BCAT2: variants seen among roughly 807,000 people sequenced by gnomAD.
BCAT2 encodes the protein branched chain amino acid transaminase 2.
Under a neutral mutation model 52.9 loss-of-function variants are expected in BCAT2, and 44 were observed. The ratio of observed to expected loss-of-function variants is 0.83; its 90% CI spans 0.65 to 1.07. BCAT2 has a LOEUF of 1.07. Ranked by LOEUF, BCAT2 falls within the 50% of genes least tolerant of loss-of-function variation. The pLI, the probability that BCAT2 is intolerant of heterozygous loss-of-function variation, is 0.00. For missense variants in BCAT2, 478 were observed against 521.8 expected (o/e 0.92, Z 0.82); for synonymous variants, 215 against 217.1 (o/e 0.99, Z 0.08).
At chr19:48,797,479 A>G (rs2034553447) in intron 6 of BCAT2, 146 bp from the exon 7 acceptor site, 3 of 1,002,294 alleles carry the variant, frequency 3.0e-6, no homozygotes, top group Middle Eastern at 6.4e-4. Flanking sequence ...GGAATCCTTG[A>G]CTTTTCATTT....
chr19:48,805,747 G>A (rs1385385784), intron 3 of BCAT2, among the ~76,000 whole-genome samples: 6 of 61,720 alleles, frequency 9.7e-5, no homozygotes, highest in African/African-American at 3.3e-4. Flanking sequence ...TCCCTCCCCC[G>A]GCTGTCCCTC....
At chr19:48,802,441 CTTTTTTTT>C (rs35775607) in intron 3 of BCAT2, among the ~76,000 whole-genome samples, 1 of 87,024 alleles carries the variant, frequency 1.1e-5, no homozygotes, top group Non-Finnish European at 2.1e-5. Context: ...TACTGGATTC[CTTTTTTTT>C]TTTTTTTTTT....
chr19:48,798,339 T>C (rs1165506395), intron 6 of BCAT2, among the ~76,000 whole-genome samples: 1 of 152,108 alleles, frequency 6.6e-6, no homozygotes, highest in African/African-American at 2.4e-5. Context: ...AGAGATAGCC[T>C]CTCCCCTCAG....
At position 48,807,699 on chromosome 19, in the gene BCAT2, C is replaced by A; in HGVS notation, c.25-625G>T. The A allele has an allele frequency of 1.0e-6, 1 of 986,346 alleles. No individual in the cohort carries two copies. Among genetic ancestry groups the A allele is most frequent in the Non-Finnish European group, 1.2e-6 (1 of 829,560 alleles). The allele number at this position is 986,346 out of a possible 1,614,324, so 61.1% of individuals were successfully genotyped here. A position where few individuals can be genotyped will look rare whatever the true frequency, so the allele number is the denominator to read the frequency against. ...GTTCCCCAGCCCCTCCTCCGCCAGA[C>A]CCAGGAGTACAGGTGCTTATTCTCT... is the stretch of plus-strand genomic sequence containing the variant. On this transcript the variant is annotated intron_variant, in intron 1 of 10. Coordinates refer to ENST00000316273, the MANE Select transcript of BCAT2 (RefSeq NM_001190.4). The surrounding 1 kb of genome is among the most constrained non-coding windows in gnomAD (Gnocchi z 4.6).
chr19:48,801,403 T>G (rs4802507), intron 3 of BCAT2, among the ~76,000 whole-genome samples: 21,634 of 151,950 alleles, frequency 0.14, 2,056 homozygotes, highest in Non-Finnish European at 0.21. Context: ...AGTAAAACAT[T>G]ATAAATCTAC....
rs1205506326 is a variant in BCAT2, at chr19:48,796,493, TG to T, written c.1074del (p.His358GlnfsTer11). On this transcript the variant is annotated frameshift_variant, in exon 10 of 11. Coordinates refer to ENST00000316273, the MANE Select transcript of BCAT2 (RefSeq NM_001190.4). LOFTEE classifies it high-confidence loss of function. ...TCAGGCCCATTTTCCATGGTGGGAATGTGGAGGTTCTGGGACAGAAGGTGCG... is the reference window on the plus strand; with the variant it reads ...TCAGGCCCATTTTCCATGGTGGGAATTGGAGGTTCTGGGACAGAAGGTGCG... ...HRILYKDRNL[H>X]IPTMENGPEL... The T allele has an allele frequency of 6.2e-7, 1 of 1,613,458 alleles. No individual in the cohort carries two copies. The highest frequency in any genetic ancestry group is 2.2e-5 in the East Asian group (1 of 44,890).
In BCAT2 at chr19:48,796,445, C is replaced by A; in HGVS notation, c.1123G>T (p.Glu375Ter). Residue 375 changes from glutamate (E) to a stop codon, truncating the protein, a stop_gained, in exon 10 of 11, where the codon GAG becomes TAG. Transcript: ENST00000316273. LOFTEE classifies it high-confidence loss of function. The stretch of plus-strand genomic sequence containing the variant: ...CAGCTCACCTGGATCTCCTTCAGCT[C>A]CTTCTGGAAGCGGAGGATCAGCTCA... ...GPELILRFQKELKEIQYGIRA... is the reference protein window; with the variant it reads ...GPELILRFQK The A allele has an allele frequency of 6.2e-7, 1 of 1,614,146 alleles. No homozygotes were observed. Among genetic ancestry groups the A allele is most frequent in the South Asian group, 1.1e-5 (1 of 91,088 alleles).
Position 48,799,890 on chromosome 19 carries a change from C to T in BCAT2, c.532-52G>A, listed in dbSNP as rs1403643543. ...GGAGTCCAGGCCCCCAGTCCCTTCC[C>T]GTCCCCAGGCCCAGGCCTCCAGGAC... On this transcript the variant is annotated intron_variant, in intron 5 of 10. Coordinates refer to ENST00000316273, the MANE Select transcript of BCAT2 (RefSeq NM_001190.4). The surrounding 1 kb of genome is among the most constrained non-coding windows in gnomAD (Gnocchi z 5.5). 1 of 1,586,468 alleles carries T rather than the reference C, an allele frequency of 6.3e-7. No homozygotes were observed. The highest frequency in any genetic ancestry group is 8.6e-7 in the Non-Finnish European group (1 of 1,167,426).
rs1474252394 is a variant in BCAT2 at position 48,807,203 on chromosome 19, A to C, written c.25-129T>G. 6 of 775,138 alleles carry C rather than the reference A, an allele frequency of 7.7e-6. No homozygotes were observed. The highest frequency in any genetic ancestry group is 1.0e-5 in the Non-Finnish European group (5 of 486,474). The allele number at this position is 775,138 out of a possible 1,614,324, so 48.0% of individuals were successfully genotyped here. Reference sequence around the variant, plus strand: ...TTCTGTCCCAGTTTCAGTCCATTCTAGACGGGGCAGGTGGTCCTGAAGGAG... The same window carrying C: ...TTCTGTCCCAGTTTCAGTCCATTCTCGACGGGGCAGGTGGTCCTGAAGGAG... On this transcript the variant is annotated intron_variant, in intron 1 of 10. Coordinates refer to ENST00000316273, the MANE Select transcript of BCAT2 (RefSeq NM_001190.4). This position sits in a 1 kb window ranked among gnomAD's most constrained non-coding sequence, Gnocchi z 4.6.
At chr19:48,802,707 C>T (rs2034684718) in intron 3 of BCAT2, among the ~76,000 whole-genome samples, 1 of 152,042 alleles carries the variant, frequency 6.6e-6, no homozygotes, top group Non-Finnish European at 1.5e-5. Context: ...CTCAGCCTCC[C>T]AAAGTGCTGG....
In BCAT2 at chr19:48,811,027, T is replaced by C. The variant is rs2034912998; in HGVS notation, c.-20A>G. 6.3e-7 allele frequency: 1 copy of C among 1,594,416 alleles called. No individual in the cohort carries two copies. The highest frequency in any genetic ancestry group is 1.1e-5 in the South Asian group (1 of 88,622). On this transcript the variant is annotated 5_prime_UTR_variant, in exon 1 of 11. Coordinates refer to ENST00000316273, the MANE Select transcript of BCAT2 (RefSeq NM_001190.4). ...GGCCATGATCCGTGCGGCGCGTAAC[T>C]GTGCCCGCCCGGGGCGCGGCTCCGA...
intron 1 of BCAT2, 95 bp downstream of exon 1, chr19:48,810,889 G>C (rs890287994): frequency 4.5e-6 from 7 of 1,550,680 alleles, no homozygotes; most frequent in African/African-American, 2.8e-5. Context: ...CGGGAGGAGC[G>C]GCGCCGAGTC....
intron 3 of BCAT2, 85 bp downstream of exon 3, chr19:48,806,432 C>T: frequency 2.0e-6 from 3 of 1,531,380 alleles, no homozygotes; most frequent in Non-Finnish European, 2.7e-6. Context: ...AACAAACAAA[C>T]CAAGAGAGGT....
Position 48,806,985 on chromosome 19 carries a change from G to C in BCAT2, c.99+15C>G. 6.2e-7 allele frequency: 1 copy of C among 1,612,304 alleles called. No individual in the cohort carries two copies. ...CTCCTCTCTCAGAGCCAAGCATCGA[G>C]TTCCCTCCTTTCACCTTGAAACTGG... On this transcript the variant is annotated intron_variant, in intron 2 of 10. Coordinates refer to ENST00000316273, the MANE Select transcript of BCAT2 (RefSeq NM_001190.4).
rs756022518 is a variant in BCAT2 at position 48,795,853 on chromosome 19, G to C, written c.1141-389C>G. 180 of 305,740 alleles carry C rather than the reference G, an allele frequency of 5.9e-4. 1 individual carries two copies. The highest frequency in any genetic ancestry group is 1.0e-3 in the Middle Eastern group (1 of 984). The allele number at this position is 305,740 out of a possible 1,614,324, so 18.9% of individuals were successfully genotyped here. A position where few individuals can be genotyped will look rare whatever the true frequency, so the allele number is the denominator to read the frequency against. ...GGAAAGAGATCTTGGCCCAGAAGATGGGAATACCCCCAGAGATTTATGGGA... is the reference window on the plus strand; with the variant it reads ...GGAAAGAGATCTTGGCCCAGAAGATCGGAATACCCCCAGAGATTTATGGGA... On this transcript the variant is annotated intron_variant, in intron 10 of 10. Transcript: ENST00000316273.
At position 48,806,511 on chromosome 19, in the gene BCAT2, T is replaced by C. The variant is rs767818990; in HGVS notation, c.300+6A>G. On this transcript the variant is annotated splice_donor_region_variant and intron_variant, in intron 3 of 10. Transcript: ENST00000316273. ...GGACAGGGAGAGAGGCCGGCCGCCA[T>C]GCCACCTGCAGGGAGTAGTGGAGGC... 4.3e-6 allele frequency: 7 copies of C among 1,613,570 alleles called. No individual in the cohort carries two copies. The highest frequency in any genetic ancestry group is 1.7e-4 in the Middle Eastern group (1 of 5,804).
intron 3 of BCAT2, 100 bp downstream of exon 3, chr19:48,806,417 C>T: frequency 6.9e-7 from 1 of 1,452,942 alleles, no homozygotes; most frequent in Non-Finnish European, 9.5e-7. Context: ...AAAGGAGAAA[C>T]ACACAACAAA....
In BCAT2 at chr19:48,799,222, T is replaced by G. The variant is rs979183155; in HGVS notation, c.695+453A>C. 3.9e-5 allele frequency: 6 copies of G among 155,800 alleles called. No individual in the cohort carries two copies. Among genetic ancestry groups the G allele is most frequent in the Admixed American group, 2.6e-4 (4 of 15,356 alleles). The allele number at this position is 155,800 out of a possible 1,614,324, so 9.7% of individuals were successfully genotyped here. On this transcript the variant is annotated intron_variant, in intron 6 of 10. Coordinates refer to ENST00000316273, the MANE Select transcript of BCAT2 (RefSeq NM_001190.4). This position sits in a 1 kb window ranked among gnomAD's most constrained non-coding sequence, Gnocchi z 5.5. ...AGACCCAGCTGTCTCCTTCCTGCCCTGCTGAGCTGAGGCCACTGGGAGACA... is the reference window on the plus strand; with the variant it reads ...AGACCCAGCTGTCTCCTTCCTGCCCGGCTGAGCTGAGGCCACTGGGAGACA...
At chr19:48,800,819 T>C (rs1395688436) in intron 3 of BCAT2, among the ~76,000 whole-genome samples, 2 of 151,924 alleles carry the variant, frequency 1.3e-5, no homozygotes, top group African/African-American at 4.8e-5. Context: ...ACTCTGTCCC[T>C]GATCACTGCC....
Sources: allele counts gnomAD v4.1 joint callset (sites outside exome capture counted in the v4.1 genomes callset), GRCh38; gene constraint gnomAD v4.1.1; non-coding constraint Gnocchi (gnomAD v3.1); transcripts MANE v1.5; gene names NCBI Gene and HGNC (gene_info 2026-07-23, HGNC 2026-07-21).